RBKS: variants seen among roughly 807,000 people sequenced by gnomAD.
RBKS encodes ribokinase.
Under a neutral mutation model 33.9 loss-of-function variants are expected in RBKS, and 33 were observed. The observed-to-expected ratio is 0.97, with a 90% CI of 0.74 to 1.30. RBKS has a LOEUF of 1.30. RBKS is among the 50% of genes most tolerant of loss of function. The pLI is 0.00. For missense variants in RBKS, 361 were observed against 392.6 expected, an observed-to-expected ratio of 0.92 and a Z score of 0.68; for synonymous variants, 125 against 143.0, an observed-to-expected ratio of 0.87 and a Z score of 0.90.
intron 1 of RBKS, among the ~76,000 whole-genome samples, chr2:27,878,020 T>C (rs1664347004): frequency 1.3e-5 from 1 of 75,252 alleles, no homozygotes; most frequent in South Asian, 4.4e-4. Flanking sequence ...AGTTTATTTT[T>C]ATTTTTTATT....
chr2:27,850,247 C>T (rs1325034687), intron 2 of RBKS, among the ~76,000 whole-genome samples: 4 of 152,182 alleles, frequency 2.6e-5, no homozygotes, highest in Admixed American at 6.5e-5. Flanking sequence ...CTGTCTCCTC[C>T]GGCAACTAGT....
At chr2:27,845,032 G>A (rs1047662746) in intron 4 of RBKS, among the ~76,000 whole-genome samples, 10 of 152,314 alleles carry the variant, frequency 6.6e-5, no homozygotes, top group African/African-American at 2.2e-4. Flanking sequence ...AAGTGGGGAT[G>A]GTTCAGCATA....
intron 5 of RBKS, 121 bp from the exon 6 acceptor site, chr2:27,832,898 C>T: frequency 1.5e-6 from 1 of 680,276 alleles, no homozygotes; most frequent in East Asian, 2.8e-5. Context: ...GTTAAATATC[C>T]ACTTAGTTAC....
intron 6 of RBKS, among the ~76,000 whole-genome samples, chr2:27,830,646 T>G (rs1490269960): frequency 6.6e-6 from 1 of 151,722 alleles, no homozygotes; most frequent in African/African-American, 2.4e-5. Context: ...GTTCTTTCAT[T>G]TATTTATTTC....
intron 7 of RBKS, among the ~76,000 whole-genome samples, chr2:27,794,622 TTC>T: frequency 7.4e-6 from 1 of 135,996 alleles, no homozygotes; most frequent in African/African-American, 2.7e-5. Flanking sequence ...TCGTTTTTTT[TTC>T]TTTTTTTTTT....
intron 7 of RBKS, among the ~76,000 whole-genome samples, chr2:27,811,917 A>G (rs941747284): frequency 1.3e-5 from 2 of 152,186 alleles, no homozygotes; most frequent in Non-Finnish European, 2.9e-5. Context: ...CAGGAAAAAA[A>G]AATTCCACCA....
intron 1 of RBKS, among the ~76,000 whole-genome samples, chr2:27,868,647 T>C (rs1664146084): frequency 6.6e-6 from 1 of 152,216 alleles, no homozygotes; most frequent in South Asian, 2.1e-4. Flanking sequence ...CACTTCTTGT[T>C]TTGAGTGTGT....
At chr2:27,872,346 T>G (rs1270682024) in intron 1 of RBKS, among the ~76,000 whole-genome samples, 9 of 152,052 alleles carry the variant, frequency 5.9e-5, no homozygotes, top group Admixed American at 5.9e-4. Context: ...GTAGTGCAGT[T>G]ATAAAAAAAA....
At chr2:27,815,918 C>T (rs754183152) in intron 7 of RBKS, among the ~76,000 whole-genome samples, 2 of 152,190 alleles carry the variant, frequency 1.3e-5, no homozygotes, top group Non-Finnish European at 2.9e-5. Context: ...CTGTACTGTA[C>T]ATCCACTTCC....
At chr2:27,866,303 A>G (rs899390818) in intron 1 of RBKS, among the ~76,000 whole-genome samples, 7 of 152,052 alleles carry the variant, frequency 4.6e-5, no homozygotes, top group African/African-American at 1.4e-4. Context: ...TCTATATGTA[A>G]TGTGTACCTT....
At chr2:27,846,330 G>A (rs1663618672) in intron 4 of RBKS, among the ~76,000 whole-genome samples, 1 of 152,122 alleles carries the variant, frequency 6.6e-6, no homozygotes, top group Non-Finnish European at 1.5e-5. Context: ...TAGAGTCAGA[G>A]TCTCACTCTG....
At chr2:27,885,473 T>A (rs1346669381) in intron 1 of RBKS, among the ~76,000 whole-genome samples, 1 of 152,192 alleles carries the variant, frequency 6.6e-6, no homozygotes, top group Non-Finnish European at 1.5e-5. Context: ...TGCTGTCTCC[T>A]GACTCTTTTT....
intron 7 of RBKS, among the ~76,000 whole-genome samples, chr2:27,815,168 C>T (rs533932068): frequency 6.6e-6 from 1 of 152,172 alleles, no homozygotes; most frequent in South Asian, 2.1e-4. Flanking sequence ...GGGCATGGCT[C>T]CCACTGCCAT....
intron 7 of RBKS, among the ~76,000 whole-genome samples, chr2:27,805,540 C>G (rs1291426691): frequency 6.6e-6 from 1 of 152,154 alleles, no homozygotes; most frequent in East Asian, 1.9e-4. Flanking sequence ...TAGGAAACAG[C>G]AAGTTTGAAA....
At chr2:27,879,149 C>A (rs931286438) in intron 1 of RBKS, among the ~76,000 whole-genome samples, 2 of 152,126 alleles carry the variant, frequency 1.3e-5, no homozygotes, top group Non-Finnish European at 2.9e-5. Flanking sequence ...TTACCACCTG[C>A]TTATTTTTGA....
chr2:27,809,882 ATTAGT>A, intron 7 of RBKS: 2 of 1,267,504 alleles, frequency 1.6e-6, no homozygotes, highest in Non-Finnish European at 2.1e-6. Context: ...ATTTTGAGTA[ATTAGT>A]CATTGCACAA....
At chr2:27,797,684 G>T (rs1435775643) in intron 7 of RBKS, among the ~76,000 whole-genome samples, 1 of 152,178 alleles carries the variant, frequency 6.6e-6, no homozygotes, top group Non-Finnish European at 1.5e-5. Context: ...CTGTGTGCTT[G>T]TGGCAGGAGC....
At position 27,858,425 on chromosome 2, in the gene RBKS, T is replaced by C. The variant is rs1389959548; in HGVS notation, c.222+14A>G. 2.4e-5 allele frequency: 38 copies of C among 1,601,202 alleles called. No homozygotes were observed. Among genetic ancestry groups the C allele is most frequent in the African/African-American group, 6.8e-5 (5 of 73,856 alleles). Reference sequence around the variant, plus strand: ...CTTACCTCTAGAGTCCTCTCCACTATACTTTGTACTTACCTTACACACCAT... The same window carrying C: ...CTTACCTCTAGAGTCCTCTCCACTACACTTTGTACTTACCTTACACACCAT... On this transcript the variant is annotated intron_variant, in intron 2 of 7. Coordinates refer to ENST00000302188, the MANE Select transcript of RBKS (RefSeq NM_022128.3).
At position 27,890,096 on chromosome 2, in the gene RBKS, G is replaced by T. The variant is rs1292980337; in HGVS notation, c.89+161C>A. ...CCTTTATATACTCAAGTTCTTTCATGCCAGGAAGGTAGGCTGAAGGCTTCG... is the reference window on the plus strand; with the variant it reads ...CCTTTATATACTCAAGTTCTTTCATTCCAGGAAGGTAGGCTGAAGGCTTCG... On this transcript the variant is annotated intron_variant, in intron 1 of 7. Coordinates refer to ENST00000302188, the MANE Select transcript of RBKS (RefSeq NM_022128.3). This position sits in a 1 kb window ranked among gnomAD's most constrained non-coding sequence, Gnocchi z 4.8. 1 of 607,824 alleles carries T rather than the reference G, an allele frequency of 1.6e-6. No individual in the cohort carries two copies. The highest frequency in any genetic ancestry group is 2.9e-6 in the Non-Finnish European group (1 of 346,130). The allele number at this position is 607,824 out of a possible 1,614,324, so 37.7% of individuals were successfully genotyped here. A position where few individuals can be genotyped will look rare whatever the true frequency, so the allele number is the denominator to read the frequency against.
Sources: gnomAD v4.1 joint callset for allele counts (sites outside exome capture counted in the v4.1 genomes callset) on GRCh38, gnomAD v4.1.1 for gene constraint, Gnocchi (gnomAD v3.1) non-coding constraint, MANE v1.5 for transcripts, NCBI Gene and HGNC (gene_info 2026-07-23, HGNC 2026-07-21) for gene names.